Variants in GALNTL6 observed in about 807,000 individuals in gnomAD.
GALNTL6 encodes polypeptide N-acetylgalactosaminyltransferase like 6.
GALNTL6 carries 46 observed loss-of-function variants against 73.7 expected under a neutral mutation model. That is an observed-to-expected ratio of 0.62 (90% confidence interval 0.49 to 0.80). The LOEUF (loss-of-function observed/expected upper bound fraction) is 0.80. GALNTL6 is among the 30% of genes least tolerant of loss of function. GALNTL6 has a pLI of 0.00. For missense variants in GALNTL6, 604 were observed against 755.0 expected, an observed-to-expected ratio of 0.80 and a Z score of 2.34; for synonymous variants, 259 against 263.7, an observed-to-expected ratio of 0.98 and a Z score of 0.17.
intron 3 of GALNTL6, among the ~76,000 whole-genome samples, chr4:172,270,686 C>A (rs1192734661): frequency 6.7e-6 from 1 of 149,994 alleles, no homozygotes; most frequent in Non-Finnish European, 1.5e-5. Context: ...GTTAAACTAG[C>A]TATGCCACTA....
chr4:172,913,437 C>A (rs1399047568), intron 8 of GALNTL6, among the ~76,000 whole-genome samples: 1 of 152,120 alleles, frequency 6.6e-6, no homozygotes, highest in Non-Finnish European at 1.5e-5. Flanking sequence ...TAATAACTAA[C>A]TTCTTCGAGC....
intron 2 of GALNTL6, among the ~76,000 whole-genome samples, chr4:171,943,609 T>C (rs1738616329): frequency 6.6e-6 from 1 of 152,202 alleles, no homozygotes; most frequent in Admixed American, 6.6e-5. Flanking sequence ...GGCAATGTTA[T>C]TGTAAAAGAT....
intron 5 of GALNTL6, among the ~76,000 whole-genome samples, chr4:172,427,526 A>G (rs337019): frequency 0.87 from 132,209 of 152,038 alleles, 57,535 homozygotes; most frequent in South Asian, 0.89. Flanking sequence ...GGGAAGGAGG[A>G]AGTAAAGAAA....
At chr4:171,858,297 T>C (rs1250097662) in intron 2 of GALNTL6, among the ~76,000 whole-genome samples, 1 of 152,114 alleles carries the variant, frequency 6.6e-6, no homozygotes, top group East Asian at 1.9e-4. Context: ...ATCGTGTGTT[T>C]TGTTATCATA....
In GALNTL6 at chr4:172,103,434, T is replaced by A. The variant is rs115100923; in HGVS notation, c.139-126222T>A. Among the ~76,000 whole-genome samples, 1,258 of 152,312 alleles carry A rather than the reference T, an allele frequency of 8.3e-3. 20 individuals are homozygous for A. Among genetic ancestry groups the A allele is most frequent in the African/African-American group, 0.029 (1,190 of 41,568 alleles). ...TTTACTATGTTTAATGTTATCTTAA[T>A]GGAACTATATATATATTTTATAGTA... On this transcript the variant is annotated intron_variant, in intron 2 of 12. Transcript: ENST00000506823.
At chr4:172,187,899 T>A (rs1217967834) in intron 2 of GALNTL6, among the ~76,000 whole-genome samples, 1 of 152,186 alleles carries the variant, frequency 6.6e-6, no homozygotes, top group South Asian at 2.1e-4. Flanking sequence ...ACTCATTCTT[T>A]ATTACCACCA....
chr4:172,647,573 AT>A (rs1740296161), intron 5 of GALNTL6, among the ~76,000 whole-genome samples: 1 of 151,876 alleles, frequency 6.6e-6, no homozygotes, highest in Non-Finnish European at 1.5e-5. Flanking sequence ...CATTCCTCAT[AT>A]TTTACAGATT....
At chr4:172,225,654 G>T (rs976023297) in intron 2 of GALNTL6, among the ~76,000 whole-genome samples, 1 of 152,216 alleles carries the variant, frequency 6.6e-6, no homozygotes, top group Admixed American at 6.5e-5. Flanking sequence ...TACTTGGATG[G>T]CTGAGGCGTG....
At chr4:172,720,545 ATC>A (rs1158569493) in intron 5 of GALNTL6, among the ~76,000 whole-genome samples, 1 of 152,192 alleles carries the variant, frequency 6.6e-6, no homozygotes, top group African/African-American at 2.4e-5. Flanking sequence ...TGGTTCACGC[ATC>A]TCTGACACAA....
At chr4:172,900,253 G>A (rs1245642268) in intron 8 of GALNTL6, among the ~76,000 whole-genome samples, 1 of 152,092 alleles carries the variant, frequency 6.6e-6, no homozygotes, top group East Asian at 1.9e-4. Context: ...AAGAAACTGA[G>A]ATATAAAATT....
intron 5 of GALNTL6, among the ~76,000 whole-genome samples, chr4:172,705,720 TTTCAA>T (rs1322498286): frequency 6.6e-6 from 1 of 152,090 alleles, no homozygotes; most frequent in Non-Finnish European, 1.5e-5. Flanking sequence ...TGCCTTTGTG[TTTCAA>T]GGATAGCTTT....
In GALNTL6 at chr4:172,980,350, G is replaced by T. The variant is rs561614461; in HGVS notation, c.1371+28092G>T. The stretch of plus-strand genomic sequence containing the variant: ...AGTGACATTAGCATGCATTCACATT[G>T]TTGTGCAACCAGCACCACTATCCAT... On this transcript the variant is annotated intron_variant, in intron 10 of 12. Transcript: ENST00000506823. Among the ~76,000 whole-genome samples the T allele has an allele frequency of 3.9e-5, 6 of 152,282 alleles. No individual in the cohort carries two copies. The South Asian group carries it at 1.2e-3, about 32-fold the overall frequency.
At chr4:172,272,549 G>A (rs919961683) in intron 3 of GALNTL6, among the ~76,000 whole-genome samples, 4 of 152,134 alleles carry the variant, frequency 2.6e-5, no homozygotes, top group African/African-American at 9.7e-5. Flanking sequence ...AAAAGCTACA[G>A]TAAAAGACGA....
intron 5 of GALNTL6, among the ~76,000 whole-genome samples, chr4:172,642,678 A>T (rs1353762938): frequency 2.6e-5 from 4 of 151,974 alleles, no homozygotes; most frequent in Non-Finnish European, 5.9e-5. Context: ...ACAATGTATT[A>T]TATATTTGAA....
intron 2 of GALNTL6, among the ~76,000 whole-genome samples, chr4:172,064,632 G>A (rs1343272280): frequency 2.0e-5 from 3 of 152,156 alleles, no homozygotes; most frequent in Non-Finnish European, 4.4e-5. Flanking sequence ...GGGAAATTGT[G>A]GCAGGTGGAT....
intron 5 of GALNTL6, among the ~76,000 whole-genome samples, chr4:172,388,227 G>A (rs1743540075): frequency 6.6e-6 from 1 of 152,104 alleles, no homozygotes; most frequent in Non-Finnish European, 1.5e-5. Flanking sequence ...AGACTTGTGA[G>A]TACAGTAGGA....
chr4:171,825,714 G>A (rs1320323599), intron 2 of GALNTL6, among the ~76,000 whole-genome samples: 1 of 152,094 alleles, frequency 6.6e-6, no homozygotes. Flanking sequence ...CAACTTCTTA[G>A]AGCCTTTTCT....
intron 2 of GALNTL6, among the ~76,000 whole-genome samples, chr4:171,916,691 C>A (rs1737641364): frequency 6.6e-6 from 1 of 151,962 alleles, no homozygotes; most frequent in Non-Finnish European, 1.5e-5. Flanking sequence ...ATTTCTATTT[C>A]CAGACTTCTT....
intron 3 of GALNTL6, among the ~76,000 whole-genome samples, chr4:172,304,567 A>G (rs544707034): frequency 9.2e-5 from 14 of 152,318 alleles, no homozygotes; most frequent in Non-Finnish European, 1.6e-4. Flanking sequence ...TCAGCTGCTT[A>G]TTGCTCAAAA....
Sources: allele counts gnomAD v4.1 joint callset (sites outside exome capture counted in the v4.1 genomes callset), GRCh38; gene constraint gnomAD v4.1.1; transcripts MANE v1.5; gene names NCBI Gene and HGNC (gene_info 2026-07-23, HGNC 2026-07-21).